The following ANO6 variants were observed in gnomAD, a reference collection of about 807,000 sequenced individuals.
ANO6 encodes anoctamin-6.
ANO6 carries 106 observed loss-of-function variants against 117.5 expected under a neutral mutation model. That is an observed-to-expected ratio of 0.90 (90% confidence interval 0.77 to 1.06). The LOEUF (loss-of-function observed/expected upper bound fraction) is 1.06, where lower values mean the gene tolerates loss of function less well. ANO6 is among the 50% of genes least tolerant of loss of function. ANO6 has a pLI of 0.00. For missense variants in ANO6, 955 were observed against 1,121.1 expected (o/e 0.85, Z 2.12); for synonymous variants, 367 against 385.1 (o/e 0.95, Z 0.55).
chr12:45,438,885 G>C lies in ANO6; in HGVS notation c.2527-790G>C, dbSNP rs543279277. On this transcript the variant is annotated intron_variant, in intron 19 of 19. Transcript: ENST00000425752. ...ATATTTCTTTCAAACAGGGAATATT[G>C]TGTATTAATTCAGTATTTATAGCAC... Among the ~76,000 whole-genome samples the C allele has an allele frequency of 1.2e-4, 18 of 152,146 alleles. 1 individual carries two copies. In the East Asian group the frequency reaches 3.5e-3, roughly 30 times the overall value.
At chr12:45,319,818 A>G (rs918137268) in intron 2 of ANO6, among the ~76,000 whole-genome samples, 5 of 152,190 alleles carry the variant, frequency 3.3e-5, no homozygotes, top group Admixed American at 3.3e-4. Flanking sequence ...CTATTGAGCG[A>G]TTCAACTTCT....
intron 17 of ANO6, among the ~76,000 whole-genome samples, chr12:45,418,192 T>C (rs918832801): frequency 1.3e-5 from 2 of 152,202 alleles, no homozygotes; most frequent in African/African-American, 4.8e-5. Flanking sequence ...AACCACTGTC[T>C]GGACAATGGT....
intron 9 of ANO6, 128 bp downstream of exon 9, chr12:45,367,921 A>T (rs1483911847): frequency 2.8e-6 from 2 of 723,630 alleles, no homozygotes; most frequent in Non-Finnish European, 4.8e-6. Flanking sequence ...TAACCTTTCA[A>T]ACATTCTGGA....
At chr12:45,421,672 A>T (rs1306897290) in intron 18 of ANO6, among the ~76,000 whole-genome samples, 1 of 152,230 alleles carries the variant, frequency 6.6e-6, no homozygotes, top group African/African-American at 2.4e-5. Flanking sequence ...TCAGTTGTTA[A>T]TACTATTGTG....
At chr12:45,294,039 A>C (rs529371682) in intron 1 of ANO6, among the ~76,000 whole-genome samples, 21 of 152,126 alleles carry the variant, frequency 1.4e-4, no homozygotes, top group Non-Finnish European at 2.8e-4. Context: ...TTGAAAGAAA[A>C]ATTTGAAGAA....
At chr12:45,281,831 T>C (rs1290137408) in intron 1 of ANO6, among the ~76,000 whole-genome samples, 1 of 152,210 alleles carries the variant, frequency 6.6e-6, no homozygotes, top group Non-Finnish European at 1.5e-5. Context: ...AGCAGAAAAG[T>C]ACTGGGTCAG....
intron 1 of ANO6, chr12:45,228,291 CTTTT>C (rs34786875): frequency 1.8e-3 from 300 of 166,552 alleles, no homozygotes; most frequent in East Asian, 4.3e-3. Context: ...CCAGGCCCTC[CTTTT>C]TTTTTTTTTT....
chr12:45,299,428 C>T (rs1196015332), intron 1 of ANO6, among the ~76,000 whole-genome samples: 1 of 152,180 alleles, frequency 6.6e-6, no homozygotes, highest in African/African-American at 2.4e-5. Flanking sequence ...ATAGGGTGTC[C>T]TCTAATGAAC....
At chr12:45,388,375 G>C in intron 11 of ANO6, 72 bp downstream of exon 11, 1 of 1,589,644 alleles carries the variant, frequency 6.3e-7, no homozygotes, top group Non-Finnish European at 8.6e-7. Flanking sequence ...CCGCACATTA[G>C]AATCACTTGG....
intron 1 of ANO6, among the ~76,000 whole-genome samples, chr12:45,291,364 A>C (rs1939091879): frequency 4.6e-5 from 7 of 151,384 alleles, no homozygotes; most frequent in Admixed American, 4.6e-4. Context: ...AAAAAAAAAA[A>C]AAAAACACAA....
chr12:45,243,772 A>T (rs1592862287), intron 1 of ANO6, among the ~76,000 whole-genome samples: 1 of 151,446 alleles, frequency 6.6e-6, no homozygotes, highest in South Asian at 2.1e-4. Flanking sequence ...CTGGTTTTGA[A>T]CTCCTGACCT....
intron 1 of ANO6, among the ~76,000 whole-genome samples, chr12:45,241,915 TTGC>T (rs1947750440): frequency 6.6e-6 from 1 of 152,242 alleles, no homozygotes; most frequent in Non-Finnish European, 1.5e-5. Flanking sequence ...ACAGCAAATG[TTGC>T]TGCCTGATCC....
intron 12 of ANO6, among the ~76,000 whole-genome samples, chr12:45,393,393 A>C (rs1942512155): frequency 6.6e-6 from 1 of 152,248 alleles, no homozygotes; most frequent in South Asian, 2.1e-4. Flanking sequence ...AGTGACAGAG[A>C]GAATGGAACC....
intron 16 of ANO6, among the ~76,000 whole-genome samples, chr12:45,415,689 G>A (rs1393165089): frequency 6.6e-6 from 1 of 152,186 alleles, no homozygotes; most frequent in Non-Finnish European, 1.5e-5. Flanking sequence ...TTCTAGCCCT[G>A]TCTGCTCTTC....
rs202131547 is a variant in ANO6, at chr12:45,417,227, G to GT, written c.2217+331dup. On this transcript the variant is annotated intron_variant, in intron 17 of 19. Coordinates refer to ENST00000320560, the MANE Select transcript of ANO6 (RefSeq NM_001025356.3). ...ACTATAAAAGGAGTTATCAGAAAAT[G>GT]TTTTTTTTATAATGTGGGTAGAAAT... 5.5e-3 allele frequency among the ~76,000 whole-genome samples: 830 copies of GT among 151,938 alleles called. 1 individual carries two copies. Among genetic ancestry groups the GT allele is most frequent in the Non-Finnish European group, 8.3e-3 (567 of 67,934 alleles).
At chr12:45,419,443 G>A (rs1203781039) in intron 17 of ANO6, among the ~76,000 whole-genome samples, 1 of 152,228 alleles carries the variant, frequency 6.6e-6, no homozygotes, top group African/African-American at 2.4e-5. Context: ...TAAAATATTC[G>A]TGTGGCTCCC....
intron 1 of ANO6, among the ~76,000 whole-genome samples, chr12:45,280,777 T>C (rs1938700096): frequency 6.6e-6 from 1 of 152,186 alleles, no homozygotes; most frequent in Non-Finnish European, 1.5e-5. Flanking sequence ...AAAGGAAACC[T>C]GCAGGGGCTA....
At chr12:45,236,697 A>C (rs534883934) in intron 1 of ANO6, among the ~76,000 whole-genome samples, 1 of 152,200 alleles carries the variant, frequency 6.6e-6, no homozygotes, top group Non-Finnish European at 1.5e-5. Flanking sequence ...ATACGTGTGC[A>C]TGTGTCTTCA....
intron 11 of ANO6, among the ~76,000 whole-genome samples, chr12:45,389,227 G>A (rs1277013819): frequency 3.3e-5 from 5 of 152,156 alleles, no homozygotes; most frequent in African/African-American, 1.2e-4. Flanking sequence ...GAAAAAACGA[G>A]GTTCAATTAC....
Sources: allele counts gnomAD v4.1 joint callset (sites outside exome capture counted in the v4.1 genomes callset), GRCh38; gene constraint gnomAD v4.1.1; transcripts MANE v1.5; gene names NCBI Gene and HGNC (gene_info 2026-07-23, HGNC 2026-07-21).